Variants in BMP5 observed in about 807,000 individuals in gnomAD.
BMP5 encodes the protein bone morphogenetic protein 5.
BMP5 carries 23 observed loss-of-function variants against 46.6 expected under a neutral mutation model. The ratio of observed to expected loss-of-function variants is 0.49; its 90% confidence interval spans 0.35 to 0.70. BMP5 has a LOEUF of 0.70. Ranked by LOEUF, BMP5 falls within the 30% of genes least tolerant of loss-of-function variation. The pLI is 0.00. For synonymous variants in BMP5, 204 were observed against 191.9 expected (o/e 1.06, Z -0.52); for missense variants, 545 against 565.6 (o/e 0.96, Z 0.37).
At chr6:55,865,185 G>A (rs1777610950) in intron 1 of BMP5, among the ~76,000 whole-genome samples, 1 of 151,968 alleles carries the variant, frequency 6.6e-6, no homozygotes, top group Admixed American at 6.6e-5. Context: ...CCCTCAAAGT[G>A]AGTTGACTTA....
chr6:55,821,151 C>A (rs1325021425), intron 1 of BMP5, among the ~76,000 whole-genome samples: 1 of 152,080 alleles, frequency 6.6e-6, no homozygotes, highest in Non-Finnish European at 1.5e-5. Context: ...AATGATGCTG[C>A]GGAGACAAGG....
chr6:55,771,796 C>T (rs1374178730), intron 4 of BMP5, among the ~76,000 whole-genome samples: 1 of 151,828 alleles, frequency 6.6e-6, no homozygotes. Flanking sequence ...TAACTCCATC[C>T]CCATCCCACC....
At chr6:55,796,593 G>T (rs1046308551) in intron 2 of BMP5, among the ~76,000 whole-genome samples, 1 of 151,548 alleles carries the variant, frequency 6.6e-6, no homozygotes, top group Non-Finnish European at 1.5e-5. Flanking sequence ...CTGGTGCGCT[G>T]CACCTACCAA....
intron 4 of BMP5, among the ~76,000 whole-genome samples, chr6:55,768,515 G>A (rs530056071): frequency 6.6e-6 from 1 of 151,988 alleles, no homozygotes; most frequent in African/African-American, 2.4e-5. Context: ...ATGTGTAAGG[G>A]AGGCTAGGCT....
chr6:55,827,614 G>A (rs1000994062), intron 1 of BMP5, among the ~76,000 whole-genome samples: 26 of 151,758 alleles, frequency 1.7e-4, no homozygotes, highest in East Asian at 5.8e-4. Context: ...AATGCATTCC[G>A]AAGTATACAC....
At chr6:55,770,426 G>A (rs1451458281) in intron 4 of BMP5, among the ~76,000 whole-genome samples, 1 of 151,880 alleles carries the variant, frequency 6.6e-6, no homozygotes, top group Non-Finnish European at 1.5e-5. Flanking sequence ...TAGAATTGAG[G>A]AGAATCAGGG....
chr6:55,786,272 A>AATATATGCTTAAG (rs1279986423), intron 3 of BMP5, among the ~76,000 whole-genome samples: 1 of 151,772 alleles, frequency 6.6e-6, no homozygotes, highest in African/African-American at 2.4e-5. Context: ...TTAAAGTATA[A>AATATATGCTTAAG]ATATATGCTT....
chr6:55,784,152 TA>T (rs971248637), intron 3 of BMP5, among the ~76,000 whole-genome samples: 50 of 152,046 alleles, frequency 3.3e-4, no homozygotes, highest in African/African-American at 1.1e-3. Context: ...AAGATGTTCT[TA>T]AGTATGATCA....
chr6:55,872,245 A>G (rs1777804747), intron 1 of BMP5, among the ~76,000 whole-genome samples: 1 of 151,784 alleles, frequency 6.6e-6, no homozygotes, highest in Non-Finnish European at 1.5e-5. Flanking sequence ...CTAGTATCAG[A>G]ATCAGTTTGT....
At chr6:55,848,109 A>T (rs1421843039) in intron 1 of BMP5, among the ~76,000 whole-genome samples, 1 of 151,940 alleles carries the variant, frequency 6.6e-6, no homozygotes, top group Non-Finnish European at 1.5e-5. Flanking sequence ...GTGAGGTCAA[A>T]AGTTTCTACT....
chr6:55,853,886 T>C (rs1055313649), intron 1 of BMP5, among the ~76,000 whole-genome samples: 3 of 152,196 alleles, frequency 2.0e-5, no homozygotes, highest in Admixed American at 2.0e-4. Flanking sequence ...GAATATGTAG[T>C]ACCTCATGAC....
At chr6:55,796,985 T>G (rs1775730224) in intron 2 of BMP5, among the ~76,000 whole-genome samples, 1 of 152,176 alleles carries the variant, frequency 6.6e-6, no homozygotes, top group Non-Finnish European at 1.5e-5. Flanking sequence ...CTATTAATGG[T>G]CAAAGCTATT....
intron 2 of BMP5, among the ~76,000 whole-genome samples, chr6:55,812,430 C>T (rs1444526800): frequency 1.3e-5 from 2 of 152,082 alleles, no homozygotes; most frequent in African/African-American, 4.8e-5. Flanking sequence ...ATAACACTGT[C>T]AAATAATTCA....
intron 4 of BMP5, among the ~76,000 whole-genome samples, chr6:55,770,509 C>T (rs987523154): frequency 1.3e-5 from 2 of 151,998 alleles, no homozygotes; most frequent in East Asian, 3.9e-4. Context: ...ACCACTCAAA[C>T]GTTCTCCACA....
At chr6:55,760,410 T>C in intron 5 of BMP5, 47 bp downstream of exon 5, 1 of 1,533,084 alleles carries the variant, frequency 6.5e-7, no homozygotes, top group African/African-American at 1.4e-5. Flanking sequence ...ATTAAGGATT[T>C]ATGATAATTC....
chr6:55,780,471 A>G (rs1562034430), intron 3 of BMP5, among the ~76,000 whole-genome samples: 1 of 105,632 alleles, frequency 9.5e-6, no homozygotes, highest in Non-Finnish European at 2.2e-5. Flanking sequence ...AAAAAAAAAA[A>G]AAGAAAGAAA....
At chr6:55,819,544 C>T (rs912499967) in intron 2 of BMP5, 111 bp downstream of exon 2, 7 of 886,562 alleles carry the variant, frequency 7.9e-6, no homozygotes, top group Admixed American at 6.3e-5. Context: ...AATGTTACTA[C>T]ATTGCCCCCA....
chr6:55,793,840 T>C (rs1775633011), intron 3 of BMP5, among the ~76,000 whole-genome samples: 1 of 152,218 alleles, frequency 6.6e-6, no homozygotes, highest in African/African-American at 2.4e-5. Flanking sequence ...TTGATACATA[T>C]TTATCATTGT....
intron 2 of BMP5, among the ~76,000 whole-genome samples, chr6:55,816,306 C>T (rs1461493008): frequency 6.6e-6 from 1 of 151,952 alleles, no homozygotes; most frequent in Non-Finnish European, 1.5e-5. Context: ...CTTATCTCTT[C>T]TTTAAAAAAC....
Sources: gnomAD v4.1 joint callset for allele counts (sites outside exome capture counted in the v4.1 genomes callset) on GRCh38, gnomAD v4.1.1 for gene constraint, MANE v1.5 for transcripts, NCBI Gene and HGNC (gene_info 2026-07-23, HGNC 2026-07-21) for gene names.